The following LNPK variants were observed in gnomAD, a reference collection of about 807,000 sequenced individuals.
The protein encoded by LNPK is endoplasmic reticulum junction formation protein lunapark.
A neutral mutation model predicts 55.2 loss-of-function variants in LNPK; 29 were observed. The ratio of observed to expected loss-of-function variants is 0.53; its 90% CI spans 0.39 to 0.72. The LOEUF (loss-of-function observed/expected upper bound fraction) is 0.72. LNPK is among the 30% of genes least tolerant of loss of function. The pLI is 0.00. For missense variants in LNPK, 467 were observed against 494.8 expected, an observed-to-expected ratio of 0.94 and a Z score of 0.53; for synonymous variants, 162 against 168.2, an observed-to-expected ratio of 0.96 and a Z score of 0.29.
chr2:175,944,494 T>A (rs1476279213), intron 9 of LNPK, among the ~76,000 whole-genome samples: 3 of 152,122 alleles, frequency 2.0e-5, no homozygotes, highest in African/African-American at 7.2e-5. Context: ...TTGCAGGAGA[T>A]ACTCTGAATT....
In LNPK at chr2:175,937,719, T is replaced by C. The variant is rs1684623552; in HGVS notation, c.884-205A>G. On this transcript the variant is annotated intron_variant, in intron 11 of 12. Transcript: ENST00000272748. ...ATTATTAGAATTTTAATTTTTAAAA[T>C]TAAAGGCAGAAAAGGCATAACAGGT... The C allele has an allele frequency of 7.3e-6, 3 of 413,236 alleles. No homozygotes were observed. In the South Asian group the frequency reaches 1.5e-4, roughly 20 times the overall value. The allele number at this position is 413,236 out of a possible 1,614,324, so 25.6% of individuals were successfully genotyped here. A position where few individuals can be genotyped will look rare whatever the true frequency, so the allele number is the denominator to read the frequency against.
chr2:175,972,134 T>C lies in LNPK; in HGVS notation c.317-1330A>G, dbSNP rs146960736. Among the ~76,000 whole-genome samples the C allele has an allele frequency of 5.4e-3, 823 of 152,228 alleles. 6 individuals are homozygous for C. The highest frequency in any genetic ancestry group is 0.019 in the African/African-American group (786 of 41,548). On this transcript the variant is annotated intron_variant, in intron 5 of 12. Transcript: ENST00000272748. The stretch of plus-strand genomic sequence containing the variant: ...TTTCTCCATGTTGGCCAGGATGGTC[T>C]TGAACTCCTGACCTCAGGTTATCCA...
At position 175,977,059 on chromosome 2, in the gene LNPK, C is replaced by T. The variant is rs143402115; in HGVS notation, c.316+2751G>A. ...ATAAAGGGGAGGAGCAATATTAATT[C>T]TCTTTTGGCCATGTTACTTATGAGA... is the stretch of plus-strand genomic sequence containing the variant. On this transcript the variant is annotated intron_variant, in intron 5 of 12. Coordinates refer to ENST00000272748, the MANE Select transcript of LNPK (RefSeq NM_030650.3). 6.7e-4 allele frequency among the ~76,000 whole-genome samples: 102 copies of T among 152,254 alleles called. 1 individual carries two copies. Among genetic ancestry groups the T allele is most frequent in the African/African-American group, 2.2e-3 (92 of 41,542 alleles).
In LNPK at chr2:175,928,742, C is replaced by T. The variant is rs1217126399; in HGVS notation, c.*1225G>A. On this transcript the variant is annotated 3_prime_UTR_variant, in exon 13 of 13. Coordinates refer to ENST00000272748, the MANE Select transcript of LNPK (RefSeq NM_030650.3). The stretch of plus-strand genomic sequence containing the variant: ...AAAAGGAGGCCGTAACAGATAAGCA[C>T]ACTGTATTAAAGGTCCAAGAATTAG... 6.6e-6 allele frequency: 1 copy of T among 151,810 alleles called. No homozygotes were observed. Among genetic ancestry groups the T allele is most frequent in the African/African-American group, 2.4e-5 (1 of 41,332 alleles). 9.4% of individuals were successfully genotyped at this position (151,810 alleles called of 1,614,324 possible).
chr2:175,976,771 C>T (rs1298482998), intron 5 of LNPK, among the ~76,000 whole-genome samples: 1 of 152,226 alleles, frequency 6.6e-6, no homozygotes, highest in Non-Finnish European at 1.5e-5. Context: ...AGAACTTACA[C>T]TTACTGGCTC....
Position 175,930,135 on chromosome 2 carries a change from T to C in LNPK, c.1119A>G (p.Thr373=). ...TEQTDDKIPA[T]EQTNQVIEKA... ...TTTCAATCACTTGGTTTGTCTGTTC[T>C]GTAGCTGGTATTTTGTCATCTGTCT... Residue 373 remains threonine (T), a synonymous_variant, in exon 13 of 13, where the codon ACA becomes ACG. Coordinates refer to ENST00000272748, the MANE Select transcript of LNPK (RefSeq NM_030650.3). 1.2e-6 allele frequency: 2 copies of C among 1,613,786 alleles called. No individual in the cohort carries two copies. Among genetic ancestry groups the C allele is most frequent in the Non-Finnish European group, 1.7e-6 (2 of 1,179,718 alleles).
intron 1 of LNPK, among the ~76,000 whole-genome samples, 158 bp from the exon 2 acceptor site, chr2:175,995,804 CTTTTTTTTTTTTTT>C (rs10674444): frequency 1.1e-4 from 7 of 66,398 alleles, no homozygotes; most frequent in African/African-American, 3.4e-4. Flanking sequence ...TAGAGTCTAC[CTTTTTTTTTTTTTT>C]TTTTTTTTTT....
At chr2:175,947,956 G>C (rs1574830695) in intron 8 of LNPK, among the ~76,000 whole-genome samples, 1 of 152,186 alleles carries the variant, frequency 6.6e-6, no homozygotes, top group Admixed American at 6.5e-5. Flanking sequence ...CCAGTAAAAT[G>C]AAATCACCCA....
intron 5 of LNPK, among the ~76,000 whole-genome samples, chr2:175,973,405 T>C (rs1343996492): frequency 6.6e-5 from 10 of 152,192 alleles, no homozygotes; most frequent in Admixed American, 6.5e-4. Flanking sequence ...TGAAGTTCCC[T>C]TTGGCCCTAC....
intron 5 of LNPK, among the ~76,000 whole-genome samples, chr2:175,975,948 T>C (rs1407750913): frequency 6.6e-6 from 1 of 152,132 alleles, no homozygotes; most frequent in Non-Finnish European, 1.5e-5. Flanking sequence ...AGTAGATGGA[T>C]GTTGCAGTGA....
intron 8 of LNPK, among the ~76,000 whole-genome samples, chr2:175,956,537 C>T (rs575339145): frequency 6.6e-6 from 1 of 152,256 alleles, no homozygotes; most frequent in South Asian, 2.1e-4. Flanking sequence ...ACATAATAAA[C>T]ATTTTAGGCT....
At chr2:175,952,906 A>G (rs1181439427) in intron 8 of LNPK, among the ~76,000 whole-genome samples, 1 of 152,098 alleles carries the variant, frequency 6.6e-6, no homozygotes, top group Non-Finnish European at 1.5e-5. Context: ...GCTAGGCACT[A>G]TATATGAATT....
chr2:175,935,725 T>G (rs1684512778), intron 12 of LNPK: 2 of 965,850 alleles, frequency 2.1e-6, no homozygotes, highest in Non-Finnish European at 2.5e-6. Flanking sequence ...GGGTTGGGTT[T>G]GAGCCAGTAA....
intron 8 of LNPK, among the ~76,000 whole-genome samples, chr2:175,955,248 T>A (rs1685634853): frequency 6.6e-6 from 1 of 152,178 alleles, no homozygotes; most frequent in Non-Finnish European, 1.5e-5. Context: ...TGTGCCAGAA[T>A]CCAGGACTTT....
At chr2:175,951,607 A>ATATCTATCTATCTATC (rs1553501590) in intron 8 of LNPK, among the ~76,000 whole-genome samples, 2 of 121,720 alleles carry the variant, frequency 1.6e-5, no homozygotes, top group South Asian at 2.6e-4. Flanking sequence ...ATATATATAT[A>ATATCTATCTATCTATC]TATCTCAGTT....
At chr2:175,934,556 C>T (rs1684444517) in intron 12 of LNPK, among the ~76,000 whole-genome samples, 1 of 152,036 alleles carries the variant, frequency 6.6e-6, no homozygotes, top group African/African-American at 2.4e-5. Flanking sequence ...ATTTTGTAAA[C>T]ATGCTAGCCA....
At chr2:175,981,864 C>T (rs12621889) in intron 4 of LNPK, among the ~76,000 whole-genome samples, 10,987 of 152,144 alleles carry the variant, frequency 0.072, 427 homozygotes, top group South Asian at 0.098. Context: ...ACATTCCTGC[C>T]CCTCAAAAGC....
chr2:175,975,010 A>ATTTTTTTTTTTT (rs56951449), intron 5 of LNPK, among the ~76,000 whole-genome samples: 1 of 141,586 alleles, frequency 7.1e-6, no homozygotes, highest in Non-Finnish European at 1.5e-5. Context: ...AAGGTTTCTT[A>ATTTTTTTTTTTT]TTTTTTTTTT....
chr2:175,949,905 A>G (rs1176690293), intron 8 of LNPK, among the ~76,000 whole-genome samples: 1 of 152,106 alleles, frequency 6.6e-6, no homozygotes, highest in East Asian at 1.9e-4. Flanking sequence ...TCAATTTAAA[A>G]TACCTCAGAT....
Sources: allele counts gnomAD v4.1 joint callset (sites outside exome capture counted in the v4.1 genomes callset), GRCh38; gene constraint gnomAD v4.1.1; transcripts MANE v1.5; gene names NCBI Gene and HGNC (gene_info 2026-07-23, HGNC 2026-07-21).